DCP2: variants seen among roughly 807,000 people sequenced by gnomAD.
The protein encoded by DCP2 is m7GpppN-mRNA hydrolase.
In DCP2, 30 loss-of-function variants were observed where a neutral mutation model predicts 56.1. The observed-to-expected ratio is 0.53, with a 90% confidence interval of 0.40 to 0.73. The LOEUF (loss-of-function observed/expected upper bound fraction) is 0.73, where lower values mean the gene tolerates loss of function less well. Ranked by LOEUF, DCP2 falls within the 30% of genes least tolerant of loss-of-function variation. DCP2 has a pLI of 0.00. For synonymous variants in DCP2, 197 were observed against 163.3 expected, an observed-to-expected ratio of 1.21 and a Z score of -1.57; for missense variants, 533 against 502.7, an observed-to-expected ratio of 1.06 and a Z score of -0.58.
At position 113,021,870 on chromosome 5, in the gene DCP2, T is replaced by C. The variant is rs1488632736; in HGVS notation, c.*8386T>C. On this transcript the variant is annotated 3_prime_UTR_variant, in exon 11 of 11. Transcript: ENST00000389063. ...CTTTCTTTAAGAGGGGAAAAGACTC[T>C]CTTCAATAGATAACTTCCTATTTAT... Among the ~76,000 whole-genome samples the C allele has an allele frequency of 1.3e-5, 2 of 152,228 alleles. No homozygotes were observed. The highest frequency in any genetic ancestry group is 1.9e-4 in the East Asian group (1 of 5,196).
At chr5:112,977,967 G>T (rs983102038) in intron 1 of DCP2, among the ~76,000 whole-genome samples, 17 of 151,480 alleles carry the variant, frequency 1.1e-4, no homozygotes, top group Middle Eastern at 3.4e-3. Flanking sequence ...GGTTTTTTTT[G>T]TTTGTTTGTT....
chr5:112,987,830 C>G (rs149607333), intron 2 of DCP2, among the ~76,000 whole-genome samples: 4 of 151,502 alleles, frequency 2.6e-5, no homozygotes, highest in African/African-American at 9.7e-5. Context: ...TAAGGTCTTG[C>G]CTTGTTGCCC....
At chr5:113,013,209 G>A in intron 10 of DCP2, 112 bp from the exon 11 acceptor site, 1 of 1,154,982 alleles carries the variant, frequency 8.7e-7, no homozygotes, top group Non-Finnish European at 1.2e-6. Flanking sequence ...TTAGAGTCTG[G>A]GAAGATAAAT....
intron 1 of DCP2, among the ~76,000 whole-genome samples, chr5:112,985,601 A>G (rs1400328129): frequency 6.6e-6 from 1 of 152,140 alleles, no homozygotes; most frequent in African/African-American, 2.4e-5. Flanking sequence ...ACTTGTGAAC[A>G]GAGGGTACAC....
In DCP2 at chr5:113,021,691, ATACT is replaced by A. The variant is rs1173682497; in HGVS notation, c.*8212_*8215del. Among the ~76,000 whole-genome samples the A allele has an allele frequency of 4.7e-5, 6 of 127,514 alleles. 1 individual carries two copies. Among genetic ancestry groups the A allele is most frequent in the African/African-American group, 1.5e-4 (6 of 38,938 alleles). The allele number at this position is 127,514 out of a possible 152,430, so 83.7% of individuals were successfully genotyped here. On this transcript the variant is annotated 3_prime_UTR_variant, in exon 11 of 11. Transcript: ENST00000389063. ...TCAAAAGGAGAGTGACTAAGGTGTT[ATACT>A]TACTGTCAAAGTTACTTTGCTTCCA...
intron 8 of DCP2, among the ~76,000 whole-genome samples, chr5:113,006,964 A>G (rs930213912): frequency 7.9e-5 from 12 of 151,904 alleles, no homozygotes; most frequent in African/African-American, 2.4e-4. Flanking sequence ...GAAAACCTTC[A>G]CCGTCCCTAT....
chr5:113,000,489 C>A (rs1345210947), intron 4 of DCP2, among the ~76,000 whole-genome samples: 2 of 151,988 alleles, frequency 1.3e-5, no homozygotes, highest in Non-Finnish European at 2.9e-5. Flanking sequence ...AAGACAGTTG[C>A]ACATATTGAT....
At chr5:112,977,100 CCGCCGCTGCTCGCTTTCCAT>C in intron 1 of DCP2, 114 bp downstream of exon 1, 1 of 748,014 alleles carries the variant, frequency 1.3e-6, no homozygotes, top group South Asian at 2.7e-5. Context: ...CTTTCCGCTC[CCGCCGCTGCTCGCTTTCCAT>C]CGTCGACCCT....
intron 2 of DCP2, among the ~76,000 whole-genome samples, chr5:112,990,623 G>A (rs1748539610): frequency 1.3e-5 from 2 of 151,864 alleles, no homozygotes; most frequent in Non-Finnish European, 2.9e-5. Context: ...AAAAAAAATT[G>A]TAGGGACAGG....
At chr5:112,990,297 G>A (rs1748521250) in intron 2 of DCP2, among the ~76,000 whole-genome samples, 1 of 152,146 alleles carries the variant, frequency 6.6e-6, no homozygotes, top group South Asian at 2.1e-4. Flanking sequence ...GTAAATTGTG[G>A]AACTTGTCTA....
intron 2 of DCP2, among the ~76,000 whole-genome samples, chr5:112,986,304 A>G (rs1236013346): frequency 2.6e-5 from 4 of 151,808 alleles, no homozygotes; most frequent in African/African-American, 9.7e-5. Context: ...TCTTTTAATC[A>G]GATTACTGCC....
chr5:112,996,219 G>A (rs1474523524), intron 4 of DCP2, among the ~76,000 whole-genome samples: 1 of 152,174 alleles, frequency 6.6e-6, no homozygotes, highest in Admixed American at 6.5e-5. Context: ...TGGTGGTGCT[G>A]CGGTATAAAA....
chr5:112,983,393 A>T (rs1554098844), intron 1 of DCP2, among the ~76,000 whole-genome samples: 20 of 152,168 alleles, frequency 1.3e-4, no homozygotes. Flanking sequence ...AATTAATGTA[A>T]TTGATATGGG....
chr5:113,016,773 G>C lies in DCP2; in HGVS notation c.*3289G>C, dbSNP rs1158469783. 1 of 151,186 alleles carries C rather than the reference G, an allele frequency of 6.6e-6. No individual in the cohort carries two copies. The highest frequency in any genetic ancestry group is 1.5e-5 in the Non-Finnish European group (1 of 67,948). The allele number at this position is 151,186 out of a possible 1,614,324, so 9.4% of individuals were successfully genotyped here. A position where few individuals can be genotyped will look rare whatever the true frequency, so the allele number is the denominator to read the frequency against. On this transcript the variant is annotated 3_prime_UTR_variant, in exon 11 of 11. Transcript: ENST00000389063. ...ATCTCCAACAGTTAAATGGTAAGGA[G>C]AGCAAAGTTAATTATAAAAATTAGA...
chr5:112,989,226 G>A (rs1267957439), intron 2 of DCP2, among the ~76,000 whole-genome samples: 2 of 152,186 alleles, frequency 1.3e-5, no homozygotes, highest in Non-Finnish European at 2.9e-5. Context: ...CTGTGAGTTT[G>A]ATTCCCATCT....
chr5:113,004,320 G>C (rs912264425), intron 8 of DCP2, among the ~76,000 whole-genome samples: 1 of 152,148 alleles, frequency 6.6e-6, no homozygotes, highest in African/African-American at 2.4e-5. Context: ...CCAATGAAAG[G>C]TTCATTTAAA....
chr5:113,001,503 G>T (rs1749176976), intron 6 of DCP2, 34 bp downstream of exon 6: 1 of 1,607,814 alleles, frequency 6.2e-7, no homozygotes, highest in African/African-American at 1.3e-5. Context: ...TAACTTTCAT[G>T]ATTGGGATAG....
intron 1 of DCP2, among the ~76,000 whole-genome samples, chr5:112,982,728 C>G (rs1748069573): frequency 6.6e-6 from 1 of 152,150 alleles, no homozygotes; most frequent in South Asian, 2.1e-4. Flanking sequence ...AAAAGGAATA[C>G]TCTTTTAAAT....
intron 4 of DCP2, among the ~76,000 whole-genome samples, chr5:112,999,543 G>C (rs1230053417): frequency 1.3e-5 from 2 of 151,536 alleles, no homozygotes; most frequent in East Asian, 1.9e-4. Context: ...GGTCAGGCTG[G>C]TCTCTAACTC....
Sources: gnomAD v4.1 joint callset for allele counts (sites outside exome capture counted in the v4.1 genomes callset) on GRCh38, gnomAD v4.1.1 for gene constraint, MANE v1.5 for transcripts, NCBI Gene and HGNC (gene_info 2026-07-23, HGNC 2026-07-21) for gene names.